Variants in SLC24A2 observed in about 807,000 individuals in gnomAD.
SLC24A2 encodes sodium/potassium/calcium exchanger 2.
Under a neutral mutation model 62.0 loss-of-function variants are expected in SLC24A2, and 36 were observed. That is an observed-to-expected ratio of 0.58 (90% CI 0.44 to 0.77). SLC24A2 has a LOEUF of 0.77. Ranked by LOEUF, SLC24A2 falls within the 30% of genes least tolerant of loss-of-function variation. SLC24A2 has a pLI of 0.00. For synonymous variants in SLC24A2, 358 were observed against 294.0 expected, an observed-to-expected ratio of 1.22 and a Z score of -2.23; for missense variants, 846 against 817.9, an observed-to-expected ratio of 1.03 and a Z score of -0.42.
At chr9:19,826,983 T>C in the SLC24A2 span, among the ~76,000 whole-genome samples, 1 of 152,192 alleles carries the variant, frequency 6.6e-6, no homozygotes. Context: ...TCTTGCTCTT[T>C]TCTCTTGATA....
chr9:19,844,989 C>G, the SLC24A2 span, among the ~76,000 whole-genome samples: 1 of 148,574 alleles, frequency 6.7e-6, no homozygotes, highest in Non-Finnish European at 1.5e-5. Flanking sequence ...ATTGCCTTGG[C>G]TATTCAGGCT....
chr9:20,181,107 A>T, the SLC24A2 span, among the ~76,000 whole-genome samples: 2 of 152,114 alleles, frequency 1.3e-5, no homozygotes, highest in African/African-American at 2.4e-5. Flanking sequence ...CCAGGTACCA[A>T]ATTGGAGCCC....
chr9:19,793,882 G>A (rs1452894400), upstream of SLC24A2, among the ~76,000 whole-genome samples: 1 of 152,152 alleles, frequency 6.6e-6, no homozygotes, highest in Non-Finnish European at 1.5e-5. Flanking sequence ...AAGAGGATCT[G>A]CTTTGCTTAT....
chr9:20,160,459 A>G, the SLC24A2 span, among the ~76,000 whole-genome samples: 21 of 151,544 alleles, frequency 1.4e-4, no homozygotes, highest in African/African-American at 5.1e-4. Context: ...TATGTCAAGC[A>G]TTACACACTT....
At chr9:19,757,209 T>C (rs912990249) in intron 2 of SLC24A2, among the ~76,000 whole-genome samples, 1 of 152,166 alleles carries the variant, frequency 6.6e-6, no homozygotes, top group Non-Finnish European at 1.5e-5. Flanking sequence ...AGACTGCGTT[T>C]CATTTGTCTC....
the SLC24A2 span, among the ~76,000 whole-genome samples, chr9:19,906,300 C>T: frequency 1.5e-4 from 22 of 151,626 alleles, 1 homozygote; most frequent in African/African-American, 3.9e-4. Context: ...ACACAACATA[C>T]CAGAATCTCT....
At chr9:20,162,617 CT>C in the SLC24A2 span, among the ~76,000 whole-genome samples, 1 of 152,044 alleles carries the variant, frequency 6.6e-6, no homozygotes, top group African/African-American at 2.4e-5. Context: ...GGAATCCTCC[CT>C]AACTCATTTG....
chr9:20,286,204 G>C, the SLC24A2 span, among the ~76,000 whole-genome samples: 1 of 152,214 alleles, frequency 6.6e-6, no homozygotes, highest in Non-Finnish European at 1.5e-5. Context: ...GTTAGGAATA[G>C]GTTTGGTTGC....
chr9:20,015,153 T>C, the SLC24A2 span, among the ~76,000 whole-genome samples: 3 of 152,204 alleles, frequency 2.0e-5, no homozygotes, highest in Non-Finnish European at 4.4e-5. Flanking sequence ...TTCTCTTGTG[T>C]CCCATCTTCA....
At chr9:20,057,438 C>G in the SLC24A2 span, among the ~76,000 whole-genome samples, 1 of 152,134 alleles carries the variant, frequency 6.6e-6, no homozygotes, top group Non-Finnish European at 1.5e-5. Context: ...TTACCTAGTC[C>G]TTCCTAACCA....
the SLC24A2 span, among the ~76,000 whole-genome samples, chr9:20,142,292 T>C: frequency 1.3e-5 from 2 of 152,144 alleles, no homozygotes; most frequent in African/African-American, 2.4e-5. Context: ...AATATTTGAC[T>C]TTTTATTGTA....
At chr9:19,811,275 C>T in the SLC24A2 span, among the ~76,000 whole-genome samples, 1 of 152,302 alleles carries the variant, frequency 6.6e-6, no homozygotes, top group African/African-American at 2.4e-5. Context: ...TCTCAGACTT[C>T]CAGCCCCTAG....
chr9:19,719,131 T>C (rs1030366479), intron 2 of SLC24A2, among the ~76,000 whole-genome samples: 5 of 152,162 alleles, frequency 3.3e-5, no homozygotes, highest in Admixed American at 1.3e-4. Context: ...GCTAAGACTT[T>C]ATTGCTTGAA....
the SLC24A2 span, among the ~76,000 whole-genome samples, chr9:19,962,004 C>T: frequency 0.02 from 3,017 of 152,260 alleles, 116 homozygotes; most frequent in African/African-American, 0.067. Context: ...TTTTAAGCTG[C>T]TATGTTTGGG....
the SLC24A2 span, among the ~76,000 whole-genome samples, chr9:20,102,840 T>G: frequency 2.0e-5 from 3 of 152,228 alleles, no homozygotes; most frequent in East Asian, 5.8e-4. Context: ...TGCCAGACAG[T>G]GGGCGCAGGA....
Position 19,528,128 on chromosome 9 carries a change from T to C in SLC24A2, c.1490A>G (p.Lys497Arg). 6.3e-7 allele frequency: 1 copy of C among 1,582,862 alleles called. No homozygotes were observed. Among genetic ancestry groups the C allele is most frequent in the African/African-American group, 1.3e-5 (1 of 74,652 alleles). ...LPDVRKPSSR[K>R]FFPITFFGSI... ...GCCAAAGAACGTGATGGGAAAAAAC[T>C]TCCTCGATGACTGAAAGACAACCAG... The change falls in exon 9 of 11, where the codon AAG becomes AGG. Residue 497 changes from lysine to arginine, a missense_variant. By Grantham distance (26) the Lys-to-Arg change is conservative (BLOSUM62 2). Transcript: ENST00000341998.
At chr9:19,728,854 T>C (rs1175118444) in intron 2 of SLC24A2, among the ~76,000 whole-genome samples, 5 of 152,132 alleles carry the variant, frequency 3.3e-5, no homozygotes, top group African/African-American at 4.8e-5. Context: ...TTTGTTTGCA[T>C]TGAGGCTGAG....
chr9:20,014,517 T>TATATATATATATATATGTATATATACAC, the SLC24A2 span, among the ~76,000 whole-genome samples: 1 of 148,392 alleles, frequency 6.7e-6, no homozygotes, highest in African/African-American at 2.5e-5. Context: ...TATATATATA[T>TATATATATATATATATGTATATATACAC]ACACACACAC....
chr9:20,134,538 T>A, the SLC24A2 span, among the ~76,000 whole-genome samples: 2 of 152,252 alleles, frequency 1.3e-5, no homozygotes, highest in South Asian at 2.1e-4. Context: ...AAGAGTCTAG[T>A]ACAATTTTGC....
Sources: gnomAD v4.1 joint callset for allele counts (sites outside exome capture counted in the v4.1 genomes callset) on GRCh38, gnomAD v4.1.1 for gene constraint, MANE v1.5 for transcripts, NCBI Gene and HGNC (gene_info 2026-07-23, HGNC 2026-07-21) for gene names.